Variants in DPP10 observed in about 807,000 individuals in gnomAD.
The protein encoded by DPP10 is inactive dipeptidyl peptidase 10.
A neutral mutation model predicts 120.9 loss-of-function variants in DPP10; 33 were observed. The observed-to-expected ratio is 0.27, with a 90% confidence interval of 0.21 to 0.37. The LOEUF is 0.37. Among genes scored for constraint, DPP10 ranks in the 10% least tolerant of loss-of-function variants. The pLI, the probability that DPP10 is intolerant of heterozygous loss-of-function variation, is 1.00. For synonymous variants in DPP10, 337 were observed against 326.1 expected (o/e 1.03, Z -0.36); for missense variants, 816 against 942.8 (o/e 0.87, Z 1.76).
intron 1 of DPP10, among the ~76,000 whole-genome samples, chr2:114,575,213 A>ATGTCCC (rs1689964818): frequency 6.6e-6 from 1 of 152,114 alleles, no homozygotes. Flanking sequence ...AAGGAAGCAA[A>ATGTCCC]AGAAAAAAAT....
At chr2:114,923,528 G>C (rs1487815912) in intron 1 of DPP10, among the ~76,000 whole-genome samples, 2 of 120,996 alleles carry the variant, frequency 1.7e-5, no homozygotes, top group African/African-American at 6.4e-5. Flanking sequence ...GCCCAGGCTA[G>C]AGTGCAATGG....
At chr2:115,497,709 G>A (rs1209277738) in intron 3 of DPP10, among the ~76,000 whole-genome samples, 4 of 152,156 alleles carry the variant, frequency 2.6e-5, no homozygotes, top group Middle Eastern at 3.4e-3. Context: ...CAAAGTTGAG[G>A]TTGGACTGTT....
rs78831120 is a variant in DPP10 at position 115,694,002 on chromosome 2, T to G, written c.576+4081T>G. ...ATGAATTTAAACACCTTAGGGAACTTTAGGGTGACTAGTTTTGTGGAGAAT... is the reference window on the plus strand; with the variant it reads ...ATGAATTTAAACACCTTAGGGAACTGTAGGGTGACTAGTTTTGTGGAGAAT... On this transcript the variant is annotated intron_variant, in intron 7 of 25. Transcript: ENST00000410059. 3.4e-3 allele frequency among the ~76,000 whole-genome samples: 517 copies of G among 152,294 alleles called. 28 individuals are homozygous for G. In the East Asian group the frequency reaches 0.089, roughly 26 times the overall value.
In DPP10 at chr2:115,295,738, T is replaced by C. The variant is rs77805481; in HGVS notation, c.61-13501T>C. ...TCTTTTGGAGAAAAAGTTGTAAAAT[T>C]GATGTCTTAGCTGTAGCTGCCTCTT... On this transcript the variant is annotated intron_variant, in intron 1 of 25. Coordinates refer to ENST00000410059, the MANE Select transcript of DPP10 (RefSeq NM_020868.6). 3.8e-3 allele frequency among the ~76,000 whole-genome samples: 578 copies of C among 152,210 alleles called. 4 individuals carry two copies. The highest frequency in any genetic ancestry group is 0.012 in the African/African-American group (513 of 41,568).
At chr2:115,827,447 T>TATATATGG (rs1388130768) in intron 21 of DPP10, among the ~76,000 whole-genome samples, 4 of 126,838 alleles carry the variant, frequency 3.2e-5, no homozygotes, top group African/African-American at 8.8e-5. Context: ...TATATATATA[T>TATATATGG]GCTCTACAGT....
chr2:115,515,658 G>A (rs2077466962), intron 4 of DPP10, among the ~76,000 whole-genome samples: 1 of 152,004 alleles, frequency 6.6e-6, no homozygotes, highest in African/African-American at 2.4e-5. Flanking sequence ...GATGTTCTGT[G>A]TTTCACATAT....
chr2:115,222,465 G>A (rs1213498066), intron 1 of DPP10, among the ~76,000 whole-genome samples: 1 of 152,032 alleles, frequency 6.6e-6, no homozygotes, highest in East Asian at 1.9e-4. Flanking sequence ...AGATCCATTG[G>A]TTTTAAAAAG....
chr2:115,687,842 A>G (rs2091087771), intron 5 of DPP10, among the ~76,000 whole-genome samples: 1 of 152,088 alleles, frequency 6.6e-6, no homozygotes, highest in African/African-American at 2.4e-5. Context: ...CTTTGCCTAA[A>G]ATGATAATGC....
intron 3 of DPP10, among the ~76,000 whole-genome samples, chr2:115,352,668 T>C (rs1159031434): frequency 6.6e-6 from 1 of 152,152 alleles, no homozygotes. Flanking sequence ...ATTATGAATA[T>C]AAAGGGTTTT....
intron 1 of DPP10, among the ~76,000 whole-genome samples, chr2:114,940,935 C>A (rs1696847940): frequency 6.6e-6 from 1 of 152,164 alleles, no homozygotes; most frequent in South Asian, 2.1e-4. Flanking sequence ...TAGACTCTTA[C>A]ATCCTTATTC....
At chr2:114,682,020 G>T (rs1485076725) in intron 1 of DPP10, among the ~76,000 whole-genome samples, 1 of 151,928 alleles carries the variant, frequency 6.6e-6, no homozygotes, top group African/African-American at 2.4e-5. Context: ...TTAAAGCGTT[G>T]TCAATTGTTC....
intron 1 of DPP10, among the ~76,000 whole-genome samples, chr2:115,246,526 A>C (rs2105622259): frequency 6.6e-6 from 1 of 152,268 alleles, no homozygotes; most frequent in Middle Eastern, 3.4e-3. Flanking sequence ...ATGGGCCGTA[A>C]GTGGCCTCAC....
At chr2:114,520,942 T>C (rs1250943310) in intron 1 of DPP10, among the ~76,000 whole-genome samples, 2 of 152,162 alleles carry the variant, frequency 1.3e-5, no homozygotes, top group African/African-American at 4.8e-5. Context: ...AACTGATAGC[T>C]TCTCCAGATC....
At chr2:114,736,832 A>G (rs1441372717) in intron 1 of DPP10, among the ~76,000 whole-genome samples, 1 of 152,198 alleles carries the variant, frequency 6.6e-6, no homozygotes, top group African/African-American at 2.4e-5. Flanking sequence ...TCAGGCCTTA[A>G]GAGACTCTCT....
chr2:114,444,171 C>T lies in DPP10; in HGVS notation c.60+1333C>T, dbSNP rs373208178. Among the ~76,000 whole-genome samples, 59 of 152,252 alleles carry T rather than the reference C, an allele frequency of 3.9e-4. No individual in the cohort carries two copies. The East Asian group carries it at 0.011, about 28-fold the overall frequency. ...AGAATCTTTTTCAGCATTAGATTTT[C>T]TGTGCTGTATCTAAGTTTAGAAATA... On this transcript the variant is annotated intron_variant, in intron 1 of 25. Coordinates refer to ENST00000410059, the MANE Select transcript of DPP10 (RefSeq NM_020868.6).
At chr2:115,031,185 G>T (rs1703816391) in intron 1 of DPP10, among the ~76,000 whole-genome samples, 1 of 151,856 alleles carries the variant, frequency 6.6e-6, no homozygotes, top group South Asian at 2.1e-4. Flanking sequence ...ATTTTTCAAG[G>T]TATCAGTCTT....
chr2:115,452,731 A>C (rs2073206297), intron 3 of DPP10, among the ~76,000 whole-genome samples: 2 of 151,800 alleles, frequency 1.3e-5, no homozygotes. Flanking sequence ...TTCTTACCCA[A>C]CTTTCTCTAT....
chr2:114,873,903 A>G (rs1238595053), intron 1 of DPP10, among the ~76,000 whole-genome samples: 2 of 152,146 alleles, frequency 1.3e-5, no homozygotes, highest in Non-Finnish European at 2.9e-5. Context: ...CATTTCAATG[A>G]CACAGAATGG....
chr2:115,435,829 T>C (rs2071443702), intron 3 of DPP10, among the ~76,000 whole-genome samples: 1 of 152,000 alleles, frequency 6.6e-6, no homozygotes, highest in Non-Finnish European at 1.5e-5. Flanking sequence ...TGTTCATGTC[T>C]TACATTTAAG....
Sources: allele counts gnomAD v4.1 joint callset (sites outside exome capture counted in the v4.1 genomes callset), GRCh38; gene constraint gnomAD v4.1.1; transcripts MANE v1.5; gene names NCBI Gene and HGNC (gene_info 2026-07-23, HGNC 2026-07-21).